The following SPATS2 variants were observed in gnomAD, a reference collection of about 807,000 sequenced individuals.
SPATS2 encodes the protein spermatogenesis-associated serine-rich protein 2.
In SPATS2, 38 loss-of-function variants were observed where a neutral mutation model predicts 63.7. The observed-to-expected ratio is 0.60, with a 90% CI of 0.46 to 0.78. The LOEUF is 0.78. Ranked by LOEUF, SPATS2 falls within the 30% of genes least tolerant of loss-of-function variation. The pLI is 0.00. For missense variants in SPATS2, 588 were observed against 666.2 expected (o/e 0.88, Z 1.29); for synonymous variants, 207 against 232.9 (o/e 0.89, Z 1.01).
chr12:49,401,311 C>CT (rs974799725), intron 2 of SPATS2, among the ~76,000 whole-genome samples: 1 of 152,116 alleles, frequency 6.6e-6, no homozygotes, highest in Non-Finnish European at 1.5e-5. Context: ...GCATCTGGCT[C>CT]TTTTTTTCCT....
chr12:49,391,963 T>G (rs1390569990), intron 2 of SPATS2, among the ~76,000 whole-genome samples: 2 of 152,194 alleles, frequency 1.3e-5, no homozygotes, highest in Non-Finnish European at 2.9e-5. Flanking sequence ...AAATGACAGT[T>G]TTTATTTTTA....
intron 2 of SPATS2, among the ~76,000 whole-genome samples, chr12:49,388,456 C>T (rs1944359467): frequency 1.3e-5 from 2 of 149,992 alleles, no homozygotes; most frequent in Admixed American, 1.3e-4. Context: ...TTACTGCAGC[C>T]TCAAACTCAT....
intron 2 of SPATS2, among the ~76,000 whole-genome samples, chr12:49,453,160 C>CA (rs534605136): frequency 0.27 from 24,739 of 91,448 alleles, 3,494 homozygotes; most frequent in African/African-American, 0.46. Context: ...GACTCCGTCT[C>CA]AAAAAAAAAA....
At chr12:49,442,776 C>A (rs1945441983) in intron 2 of SPATS2, 1 of 94,418 alleles carries the variant, frequency 1.1e-5, no homozygotes, top group Non-Finnish European at 1.9e-5. Context: ...AGAGAGAGAC[C>A]ATGTCTCCTT....
intron 3 of SPATS2, among the ~76,000 whole-genome samples, chr12:49,481,189 G>A (rs1453016849): frequency 3.3e-5 from 5 of 152,052 alleles, no homozygotes; most frequent in East Asian, 1.9e-4. Flanking sequence ...GTGAAACCCT[G>A]TCTCTACTAA....
At chr12:49,418,914 A>C (rs1319126572) in intron 2 of SPATS2, among the ~76,000 whole-genome samples, 1 of 152,202 alleles carries the variant, frequency 6.6e-6, no homozygotes, top group Non-Finnish European at 1.5e-5. Flanking sequence ...TCAGATCTTG[A>C]ACTAGTGTAA....
intron 2 of SPATS2, 107 bp from the exon 3 acceptor site, chr12:49,460,663 T>C (rs1163932313): frequency 4.2e-6 from 1 of 237,052 alleles, no homozygotes; most frequent in East Asian, 1.1e-4. Context: ...ACTTAAAAAC[T>C]AGTTTTGTAT....
chr12:49,494,515 A>C (rs951898342), intron 6 of SPATS2, among the ~76,000 whole-genome samples: 5 of 152,100 alleles, frequency 3.3e-5, no homozygotes, highest in Admixed American at 2.6e-4. Flanking sequence ...GTCATGAAGA[A>C]ATGTTTTATA....
chr12:49,526,290 A>C lies in SPATS2; in HGVS notation c.*35A>C. ...CAGTTGGCCTCTCTCCTCTATCCAC[A>C]CAATTCAACTTGATAACTGGACTTT... On this transcript the variant is annotated 3_prime_UTR_variant, in exon 14 of 14. Transcript: ENST00000552918. 1.3e-6 allele frequency: 2 copies of C among 1,547,856 alleles called. No individual in the cohort carries two copies. The highest frequency in any genetic ancestry group is 1.7e-6 in the Non-Finnish European group (2 of 1,150,008).
intron 2 of SPATS2, among the ~76,000 whole-genome samples, chr12:49,444,753 G>C (rs531259251): frequency 1.3e-5 from 2 of 151,726 alleles, no homozygotes; most frequent in Non-Finnish European, 2.9e-5. Flanking sequence ...ACAGGTGCTC[G>C]CCACCACGCC....
chr12:49,376,905 G>A (rs1478308557), intron 2 of SPATS2, among the ~76,000 whole-genome samples: 1 of 151,848 alleles, frequency 6.6e-6, no homozygotes, highest in East Asian at 1.9e-4. Context: ...TTTCAGTAGA[G>A]ACAGGTTTCA....
At chr12:49,439,007 G>GA (rs1401987740) in intron 2 of SPATS2, among the ~76,000 whole-genome samples, 1 of 152,150 alleles carries the variant, frequency 6.6e-6, no homozygotes, top group Non-Finnish European at 1.5e-5. Flanking sequence ...AACAGTTGTA[G>GA]AAAAAAATGT....
chr12:49,439,703 A>T (rs12424687), intron 2 of SPATS2, among the ~76,000 whole-genome samples: 3 of 152,220 alleles, frequency 2.0e-5, no homozygotes, highest in Admixed American at 2.0e-4. Context: ...GTTTGGAGAC[A>T]TTCAGTTGAA....
chr12:49,516,166 A>AATAT (rs869230532), intron 10 of SPATS2, among the ~76,000 whole-genome samples: 24 of 30,820 alleles, frequency 7.8e-4, no homozygotes, highest in African/African-American at 3.1e-3. Context: ...AAAAAAAAAA[A>AATAT]ATATATATAT....
chr12:49,448,772 A>G (rs1206818070), intron 2 of SPATS2, among the ~76,000 whole-genome samples: 9 of 151,608 alleles, frequency 5.9e-5, no homozygotes, highest in Admixed American at 3.3e-4. Flanking sequence ...GCGATTTCCC[A>G]TATTTCTCTC....
intron 2 of SPATS2, among the ~76,000 whole-genome samples, chr12:49,428,873 TTA>T (rs1945130230): frequency 6.6e-6 from 1 of 152,188 alleles, no homozygotes; most frequent in African/African-American, 2.4e-5. Flanking sequence ...GACCGGAGTT[TTA>T]TATGTGTGTG....
At chr12:49,389,582 G>A in intron 2 of SPATS2, 1 of 1,047,706 alleles carries the variant, frequency 9.5e-7, no homozygotes, top group East Asian at 2.4e-5. Context: ...AAGAGATCAC[G>A]ACGATGCAGC....
At chr12:49,427,532 A>G (rs935672975) in intron 2 of SPATS2, among the ~76,000 whole-genome samples, 2 of 152,178 alleles carry the variant, frequency 1.3e-5, no homozygotes, top group African/African-American at 4.8e-5. Context: ...GAATTTCTGG[A>G]TCATAGGATT....
At chr12:49,490,136 C>CGCAA (rs1467406611) in intron 5 of SPATS2, 1 of 152,948 alleles carries the variant, frequency 6.5e-6, no homozygotes, top group African/African-American at 2.4e-5. Context: ...GAAGCTATTG[C>CGCAA]GTCTTTGAAT....
Sources: allele counts gnomAD v4.1 joint callset (sites outside exome capture counted in the v4.1 genomes callset), GRCh38; gene constraint gnomAD v4.1.1; transcripts MANE v1.5; gene names NCBI Gene and HGNC (gene_info 2026-07-23, HGNC 2026-07-21).